VSTM2A: variants seen among roughly 807,000 people sequenced by gnomAD.
VSTM2A encodes V-set and transmembrane domain-containing protein 2A.
Under a neutral mutation model 27.3 loss-of-function variants are expected in VSTM2A, and 13 were observed. The ratio of observed to expected loss-of-function variants is 0.48; its 90% CI spans 0.31 to 0.76. VSTM2A has a LOEUF of 0.76. Among genes scored for constraint, VSTM2A ranks in the 30% least tolerant of loss-of-function variants. The pLI, the probability that VSTM2A is intolerant of heterozygous loss-of-function variation, is 0.05. For missense variants in VSTM2A, 280 were observed against 310.0 expected, an observed-to-expected ratio of 0.90 and a Z score of 0.73; for synonymous variants, 142 against 125.7, an observed-to-expected ratio of 1.13 and a Z score of -0.87.
intron 4 of VSTM2A, among the ~76,000 whole-genome samples, chr7:54,563,015 T>C (rs73408521): frequency 0.022 from 3,281 of 152,322 alleles, 111 homozygotes; most frequent in African/African-American, 0.074. Flanking sequence ...AAAGCATTCT[T>C]ATTTATGCAT....
intron 3 of VSTM2A, among the ~76,000 whole-genome samples, chr7:54,547,676 A>G (rs1447761484): frequency 2.1e-4 from 32 of 152,198 alleles, no homozygotes; most frequent in Admixed American, 2.1e-3. Flanking sequence ...GTTAATATTA[A>G]TAATACTGCT....
intron 1 of VSTM2A, among the ~76,000 whole-genome samples, chr7:54,543,085 G>A (rs776193007): frequency 8.5e-5 from 13 of 152,134 alleles, no homozygotes; most frequent in Non-Finnish European, 1.8e-4. Context: ...GGGTGTGTGT[G>A]TGCTTTCTAT....
chr7:54,547,042 G>T, intron 3 of VSTM2A, 45 bp downstream of exon 3: 3 of 1,546,936 alleles, frequency 1.9e-6, no homozygotes, highest in Non-Finnish European at 2.6e-6. Context: ...GGCTCGGGAC[G>T]CACAGCCCTT....
In VSTM2A at chr7:54,569,138, C is replaced by A; in HGVS notation, c.642C>A (p.Ser214Arg). 2 of 1,561,884 alleles carry A rather than the reference C, an allele frequency of 1.3e-6. No individual in the cohort carries two copies. The highest frequency in any genetic ancestry group is 1.2e-5 in the South Asian group (1 of 84,932). Reference sequence around the variant, plus strand: ...CACTTTCTCTTCTTAAAGCAAAGAGCAAATCGCCTGTAAAATCTACGGAGC... The same window carrying A: ...CACTTTCTCTTCTTAAAGCAAAGAGAAAATCGCCTGTAAAATCTACGGAGC... The part of the protein sequence containing the change: ...IPKQSPQSAK[S>R]KSPVKSTERT... Residue 214 changes from serine to arginine, a missense_variant, in exon 5 of 5, where the codon AGC becomes AGA. By Grantham distance (110) the Ser-to-Arg change is moderately radical (BLOSUM62 -1). Transcript: ENST00000402613.
intron 4 of VSTM2A, chr7:54,550,626 A>G (rs1214276810): frequency 5.9e-6 from 1 of 168,570 alleles, no homozygotes; most frequent in Non-Finnish European, 1.3e-5. Context: ...ACTATTCTCC[A>G]AGGGCTTTTG....
chr7:54,562,540 C>G (rs550825089), intron 4 of VSTM2A, among the ~76,000 whole-genome samples: 44 of 152,260 alleles, frequency 2.9e-4, no homozygotes, highest in African/African-American at 9.6e-4. Context: ...CCAAACTGAC[C>G]TCTGTTTCCT....
chr7:54,558,928 T>C (rs1463176559), intron 4 of VSTM2A: 2 of 152,214 alleles, frequency 1.3e-5, no homozygotes. Flanking sequence ...GCTATAACTT[T>C]AAAATTTTAT....
At chr7:54,562,056 T>C (rs186477043) in intron 4 of VSTM2A, among the ~76,000 whole-genome samples, 2 of 152,216 alleles carry the variant, frequency 1.3e-5, no homozygotes, top group East Asian at 3.9e-4. Context: ...CGCAAGTAGC[T>C]GGGACTACAG....
chr7:54,544,832 G>A, intron 2 of VSTM2A, 44 bp downstream of exon 2: 2 of 1,542,442 alleles, frequency 1.3e-6, no homozygotes, highest in East Asian at 2.4e-5. Context: ...CGCTCGCCCG[G>A]TCCTCAGGGT....
At chr7:54,564,225 C>T (rs1312187100) in intron 4 of VSTM2A, among the ~76,000 whole-genome samples, 1 of 152,170 alleles carries the variant, frequency 6.6e-6, no homozygotes, top group Non-Finnish European at 1.5e-5. Flanking sequence ...TTGTTATGAG[C>T]CTCACTAATA....
At chr7:54,549,388 T>G (rs1788107687) in intron 3 of VSTM2A, among the ~76,000 whole-genome samples, 1 of 152,228 alleles carries the variant, frequency 6.6e-6, no homozygotes, top group Non-Finnish European at 1.5e-5. Flanking sequence ...CTCAAACTCA[T>G]GACCAACAAA....
rs755005776 is a variant in VSTM2A, at chr7:54,550,136, G to T, written c.600G>T (p.Val200=). Reference sequence around the variant, plus strand: ...CGCACTCCACCTCCAGCCCTCAAGTGGTAGCCAAAATCCCCAAACAAAGTC... The same window carrying T: ...CGCACTCCACCTCCAGCCCTCAAGTTGTAGCCAAAATCCCCAAACAAAGTC... ...QRTHSTSSPQ[V]VAKIPKQSPQ... The change falls in exon 4 of 5, where the codon GTG becomes GTT. Residue 200 remains valine, a synonymous_variant. Coordinates refer to ENST00000402613, the MANE Select transcript of VSTM2A (RefSeq NM_001301009.2). The T allele has an allele frequency of 1.2e-6, 2 of 1,604,226 alleles. No individual in the cohort carries two copies. Among genetic ancestry groups the T allele is most frequent in the East Asian group, 4.5e-5 (2 of 44,372 alleles).
chr7:54,550,111 C>A lies in VSTM2A; in HGVS notation c.575C>A (p.Thr192Lys), dbSNP rs144355001. Reference protein sequence around the residue: ...SSIHGSANQRTHSTSSPQVVA... With the variant: ...SSIHGSANQRKHSTSSPQVVA... ...ATCCATGGCTCTGCCAACCAACGAA[C>A]GCACTCCACCTCCAGCCCTCAAGTG... Residue 192 changes from threonine to lysine, a missense_variant, in exon 4 of 5, where the codon ACG becomes AAG. Thr to Lys is a moderately conservative substitution (Grantham distance 78). Transcript: ENST00000402613. 6.2e-7 allele frequency: 1 copy of A among 1,607,616 alleles called. No homozygotes were observed. Among genetic ancestry groups the A allele is most frequent in the Non-Finnish European group, 8.5e-7 (1 of 1,177,084 alleles).
At chr7:54,560,197 G>A (rs13240987) in intron 4 of VSTM2A, among the ~76,000 whole-genome samples, 2 of 151,902 alleles carry the variant, frequency 1.3e-5, no homozygotes. Context: ...ATAGAGTTCA[G>A]GACAAAATCT....
At chr7:54,554,805 G>T (rs1423910304) in intron 4 of VSTM2A, among the ~76,000 whole-genome samples, 1 of 152,178 alleles carries the variant, frequency 6.6e-6, no homozygotes, top group African/African-American at 2.4e-5. Flanking sequence ...AGCTCCAGTG[G>T]CTGTCTCATT....
At chr7:54,548,364 C>T (rs938054046) in intron 3 of VSTM2A, among the ~76,000 whole-genome samples, 6 of 152,158 alleles carry the variant, frequency 3.9e-5, no homozygotes. Context: ...TCCCTGTTTA[C>T]CCACTGTGTG....
chr7:54,566,509 G>A (rs1584070069), intron 4 of VSTM2A, among the ~76,000 whole-genome samples: 1 of 152,260 alleles, frequency 6.6e-6, no homozygotes, highest in Middle Eastern at 3.4e-3. Context: ...ATTACAACTA[G>A]CTATTAGGAA....
intron 3 of VSTM2A, among the ~76,000 whole-genome samples, chr7:54,549,038 AATC>A (rs1788096227): frequency 6.7e-6 from 1 of 149,998 alleles, no homozygotes; most frequent in African/African-American, 2.4e-5. Context: ...TATAATATAA[AATC>A]ATATATCTAA....
intron 4 of VSTM2A, among the ~76,000 whole-genome samples, chr7:54,562,747 T>C (rs1788601877): frequency 6.6e-6 from 1 of 152,170 alleles, no homozygotes; most frequent in African/African-American, 2.4e-5. Flanking sequence ...CCAACTTCAA[T>C]ACACTTTCTG....
Sources: allele counts gnomAD v4.1 joint callset (sites outside exome capture counted in the v4.1 genomes callset), GRCh38; gene constraint gnomAD v4.1.1; transcripts MANE v1.5; gene names NCBI Gene and HGNC (gene_info 2026-07-23, HGNC 2026-07-21).